PPIC: variants seen among roughly 807,000 people sequenced by gnomAD.
PPIC encodes peptidylprolyl isomerase C, also known as peptidyl-prolyl cis-trans isomerase C.
PPIC carries 19 observed loss-of-function variants against 19.5 expected under a neutral mutation model. The observed-to-expected ratio is 0.98, with a 90% CI of 0.68 to 1.43. The LOEUF is 1.43. Among genes scored for constraint, PPIC ranks in the 40% most tolerant of loss-of-function variants. PPIC has a pLI of 0.00. For missense variants in PPIC, 268 were observed against 268.6 expected (o/e 1.00, Z 0.02); for synonymous variants, 107 against 101.2 (o/e 1.06, Z -0.34).
intron 1 of PPIC, among the ~76,000 whole-genome samples, chr5:123,035,826 CCCCCGCCCCCTTT>C (rs1334210126): frequency 2.0e-5 from 3 of 152,238 alleles, no homozygotes; most frequent in Non-Finnish European, 4.4e-5. Context: ...TTCTGGCAGC[CCCCCGCCCCCTTT>C]CCCCGCAGTG....
intron 3 of PPIC, chr5:123,028,507 T>C (rs1762895856): frequency 5.6e-6 from 2 of 357,058 alleles, no homozygotes; most frequent in Middle Eastern, 6.5e-4. Context: ...ACTAGTAGTC[T>C]GGTATTTTAA....
chr5:123,024,325 G>A (rs1762818794), intron 4 of PPIC, among the ~76,000 whole-genome samples: 1 of 152,136 alleles, frequency 6.6e-6, no homozygotes, highest in Non-Finnish European at 1.5e-5. Context: ...CCCAGCTCTA[G>A]TAAAAGGCAT....
rs1177909284 is a variant in PPIC, at chr5:123,034,869, GC to G, written c.117+1639del. 4.6e-5 allele frequency among the ~76,000 whole-genome samples: 7 copies of G among 152,212 alleles called. No individual in the cohort carries two copies. In the East Asian group the frequency reaches 1.2e-3, roughly 25 times the overall value. On this transcript the variant is annotated intron_variant, in intron 1 of 4. Coordinates refer to ENST00000306442, the MANE Select transcript of PPIC (RefSeq NM_000943.5). Reference sequence around the variant, plus strand: ...GCCACCATCTGGACTCTGGCATGGTGCCCTGAATGACCTCCCATTTCACTCT... The same window carrying G: ...GCCACCATCTGGACTCTGGCATGGTGCCTGAATGACCTCCCATTTCACTCT...
chr5:123,024,159 G>T (rs1194418078), intron 4 of PPIC, among the ~76,000 whole-genome samples, 156 bp from the exon 5 acceptor site: 2 of 130,814 alleles, frequency 1.5e-5, no homozygotes, highest in East Asian at 4.5e-4. Context: ...TTTTATGCAC[G>T]CTAACTGTGG....
At position 123,036,681 on chromosome 5, in the gene PPIC, C is replaced by T. The variant is rs544957487; in HGVS notation, c.-56G>A. 57 of 1,460,074 alleles carry T rather than the reference C, an allele frequency of 3.9e-5. No individual in the cohort carries two copies. In the African/African-American group the frequency reaches 7.5e-4, roughly 19 times the overall value. 90.4% of individuals were successfully genotyped at this position (1,460,074 alleles called of 1,614,324 possible). A position where few individuals can be genotyped will look rare whatever the true frequency, so the allele number is the denominator to read the frequency against. On this transcript the variant is annotated 5_prime_UTR_variant, in exon 1 of 5. In the 5' UTR this introduces an upstream ATG that the reference lacks. Coordinates refer to ENST00000306442, the MANE Select transcript of PPIC (RefSeq NM_000943.5). The surrounding 1 kb of genome is among the most constrained non-coding windows in gnomAD (Gnocchi z 4.5). ...GGGCGCTACCGGCACGGGCGCGACA[C>T]AGGCTCTGGGACAGCTGACGGGACT...
intron 2 of PPIC, 163 bp from the exon 3 acceptor site, chr5:123,029,031 A>G: frequency 2.4e-6 from 2 of 822,794 alleles, no homozygotes; most frequent in African/African-American, 1.7e-5. Flanking sequence ...TCATTAGCTG[A>G]CCAAAAAATA....
intron 1 of PPIC, among the ~76,000 whole-genome samples, chr5:123,034,456 C>T (rs1762979097): frequency 6.6e-6 from 1 of 152,162 alleles, no homozygotes; most frequent in Non-Finnish European, 1.5e-5. Flanking sequence ...TTCCTCCTCT[C>T]TTGGCTCCAT....
At chr5:123,028,521 C>T (rs1253379219) in intron 3 of PPIC, 2 of 385,250 alleles carry the variant, frequency 5.2e-6, no homozygotes, top group African/African-American at 4.2e-5. Context: ...ATTTTAATAA[C>T]TGCAAAATGA....
chr5:123,027,208 G>T (rs7715254), intron 3 of PPIC, among the ~76,000 whole-genome samples: 47,300 of 151,644 alleles, frequency 0.31, 8,549 homozygotes, highest in East Asian at 0.83. Context: ...GAAAAAAAAA[G>T]CCCAGAAGTG....
At position 123,028,813 on chromosome 5, in the gene PPIC, A is replaced by G. The variant is rs958119802; in HGVS notation, c.287T>C (p.Ile96Thr). ...TCCAGTGGTGATGTCACCTCCTTGA[A>G]TCATGAAATCCTTGATGACACGATG... ...KFHRVIKDFMIQGGDITTGDG... is the reference protein window; with the variant it reads ...KFHRVIKDFMTQGGDITTGDG... Residue 96 changes from isoleucine (I) to threonine (T), a missense_variant, in exon 3 of 5, where the codon ATT becomes ACT. Transcript: ENST00000306442. 1 of 1,613,900 alleles carries G rather than the reference A, an allele frequency of 6.2e-7. No individual in the cohort carries two copies. The highest frequency in any genetic ancestry group is 1.7e-5 in the Admixed American group (1 of 60,028).
chr5:123,030,853 A>T (rs1762931420), intron 1 of PPIC, among the ~76,000 whole-genome samples: 1 of 152,206 alleles, frequency 6.6e-6, no homozygotes, highest in Non-Finnish European at 1.5e-5. Flanking sequence ...AGCACCCGGA[A>T]GCCAGAGATG....
chr5:123,023,811 C>CA lies in PPIC; in HGVS notation c.*63dup, dbSNP rs546924735. On this transcript the variant is annotated 3_prime_UTR_variant, in exon 5 of 5. Transcript: ENST00000306442. ...CAAATAATTGAAAGACAACACAACA[C>CA]ACACACACACACACACACACACACA... is the stretch of plus-strand genomic sequence containing the variant. 4.9e-4 allele frequency: 644 copies of CA among 1,313,888 alleles called. 2 individuals carry two copies. In the South Asian group the frequency reaches 9.5e-3, roughly 19 times the overall value. The allele number at this position is 1,313,888 out of a possible 1,614,324, so 81.4% of individuals were successfully genotyped here.
intron 1 of PPIC, among the ~76,000 whole-genome samples, chr5:123,035,487 T>C (rs1762994156): frequency 6.6e-6 from 1 of 152,158 alleles, no homozygotes; most frequent in Admixed American, 6.5e-5. Context: ...CATCAGATGC[T>C]GAGCTGGACC....
rs998067779 is a variant in PPIC at position 123,036,605 on chromosome 5, C to T, written c.21G>A (p.Leu7=). 16 of 1,592,532 alleles carry T rather than the reference C, an allele frequency of 1.0e-5. No individual in the cohort carries two copies. Among genetic ancestry groups the T allele is most frequent in the Non-Finnish European group, 6.8e-6 (8 of 1,171,168 alleles). Residue 7 remains leucine, a synonymous_variant, in exon 1 of 5, where the codon CTG becomes CTA. Transcript: ENST00000306442. The surrounding 1 kb of genome is among the most constrained non-coding windows in gnomAD (Gnocchi z 4.5). MGPGPR[L]LLPLVLCVGL... is the part of the protein sequence containing the mutation. The stretch of plus-strand genomic sequence containing the variant: ...CCACGCAAAGCACGAGAGGTAGCAG[C>T]AGCCGAGGACCCGGGCCCATGGTGA...
intron 1 of PPIC, among the ~76,000 whole-genome samples, chr5:123,035,108 C>T (rs1212252283): frequency 6.6e-6 from 1 of 152,202 alleles, no homozygotes; most frequent in Non-Finnish European, 1.5e-5. Flanking sequence ...TCATTCTGTG[C>T]TGAAGCCATT....
rs1762974247 is a variant in PPIC at position 123,034,164 on chromosome 5, T to C, written c.117+2345A>G. Among the ~76,000 whole-genome samples the C allele has an allele frequency of 3.3e-5, 5 of 152,358 alleles. No homozygotes were observed. The South Asian group carries it at 1.0e-3, about 32-fold the overall frequency. On this transcript the variant is annotated intron_variant, in intron 1 of 4. Coordinates refer to ENST00000306442, the MANE Select transcript of PPIC (RefSeq NM_000943.5). ...ATACACTAGAGCAATGGCCAATTAA[T>C]GTACTTGTCTGCACTCAGAGAAATT...
At chr5:123,034,370 CAA>C (rs1183694003) in intron 1 of PPIC, among the ~76,000 whole-genome samples, 1 of 152,164 alleles carries the variant, frequency 6.6e-6, no homozygotes, top group Non-Finnish European at 1.5e-5. Context: ...AGGGTGCATG[CAA>C]ACTCTCCCTC....
At chr5:123,033,050 C>T (rs1409614899) in intron 1 of PPIC, among the ~76,000 whole-genome samples, 2 of 152,160 alleles carry the variant, frequency 1.3e-5, no homozygotes, top group African/African-American at 4.8e-5. Context: ...AGTACATGAG[C>T]TGCGATGTGG....
intron 4 of PPIC, among the ~76,000 whole-genome samples, chr5:123,025,055 G>T (rs1329057708): frequency 6.6e-6 from 1 of 152,234 alleles, no homozygotes; most frequent in Non-Finnish European, 1.5e-5. Context: ...TTGGATGCGT[G>T]TCTCTGTGAA....
Sources: allele counts gnomAD v4.1 joint callset (sites outside exome capture counted in the v4.1 genomes callset), GRCh38; gene constraint gnomAD v4.1.1; non-coding constraint Gnocchi (gnomAD v3.1); transcripts MANE v1.5; gene names NCBI Gene and HGNC (gene_info 2026-07-23, HGNC 2026-07-21).